CROCC: variants seen among roughly 807,000 people sequenced by gnomAD.
The protein encoded by CROCC is ciliary rootlet coiled-coil, rootletin.
In CROCC, 180 loss-of-function variants were observed where a neutral mutation model predicts 245.2. The observed-to-expected ratio is 0.73, with a 90% CI of 0.65 to 0.83. CROCC has a LOEUF of 0.83. CROCC is among the 40% of genes least tolerant of loss of function. The pLI is 0.00. For missense variants in CROCC, 2,688 were observed against 2,779.4 expected (o/e 0.97, Z 0.74); for synonymous variants, 1,205 against 1,241.6 (o/e 0.97, Z 0.62).
At chr1:16,915,289 T>A (rs1221901462) in intron 1 of CROCC, among the ~76,000 whole-genome samples, 6 of 152,286 alleles carry the variant, frequency 3.9e-5, no homozygotes, top group African/African-American at 1.4e-4. Context: ...CCATTTAACA[T>A]CCTATGTTAT....
intron 27 of CROCC, among the ~76,000 whole-genome samples, chr1:16,962,907 CACGTTGG>C (rs2076357108): frequency 6.6e-6 from 1 of 151,654 alleles, no homozygotes; most frequent in Non-Finnish European, 1.5e-5. Flanking sequence ...AATGGCCAGA[CACGTTGG>C]CTCATGTTTG....
At chr1:16,953,012 G>T (rs1361330139) in intron 20 of CROCC, 4 of 385,720 alleles carry the variant, frequency 1.0e-5, no homozygotes, top group Non-Finnish European at 1.9e-5. Flanking sequence ...CTTTCCAGGG[G>T]CTGTGTTCTT....
At chr1:16,919,012 G>C (rs1276653508), upstream of CROCC, among the ~76,000 whole-genome samples, 1 of 152,296 alleles carries the variant, frequency 6.6e-6, no homozygotes, top group Non-Finnish European at 1.5e-5. Flanking sequence ...TGGGATTACA[G>C]GCATGAGCCA....
Position 16,939,139 on chromosome 1 carries a change from C to A in CROCC, c.1605C>A (p.Val535=). The A allele has an allele frequency of 6.6e-7, 1 of 1,504,198 alleles. No homozygotes were observed. Among genetic ancestry groups the A allele is most frequent in the East Asian group, 2.5e-5 (1 of 40,550 alleles). 93.2% of individuals were successfully genotyped at this position (1,504,198 alleles called of 1,614,324 possible). ...HSALHKRQLQ[V]QDMRGRYEAS... ...CCCTGCACAAGCGCCAGCTGCAGGT[C>A]CAGGTAGGAAGGGGCTTGAGCGTTC... The change falls in exon 12 of 37, where the codon GTC becomes GTA. Residue 535 remains valine, a synonymous_variant. Coordinates refer to ENST00000375541, the MANE Select transcript of CROCC (RefSeq NM_014675.5).
chr1:16,970,037 G>C, intron 33 of CROCC, 103 bp downstream of exon 33: 6 of 1,404,130 alleles, frequency 4.3e-6, no homozygotes, highest in Non-Finnish European at 5.7e-6. Flanking sequence ...CCCTGGTGCA[G>C]CCTCCAGTAA....
chr1:16,966,097 G>A lies in CROCC; in HGVS notation c.4674G>A (p.Lys1558=). 6.2e-7 allele frequency: 1 copy of A among 1,613,080 alleles called. No individual in the cohort carries two copies. Among genetic ancestry groups the A allele is most frequent in the Non-Finnish European group, 8.5e-7 (1 of 1,179,198 alleles). Residue 1558 remains lysine (K), a synonymous_variant, in exon 29 of 37, where the codon AAG becomes AAA. Coordinates refer to ENST00000375541, the MANE Select transcript of CROCC (RefSeq NM_014675.5). This position sits in a 1 kb window ranked among gnomAD's most constrained non-coding sequence, Gnocchi z 4.8. ...SATSRARQLQ[K]AVAESEEARR... ...CCTCGAGGGCCAGGCAGCTGCAGAA[G>A]GCGGTGGCTGAGAGTGAGGAAGGTG...
intron 8 of CROCC, among the ~76,000 whole-genome samples, chr1:16,936,102 A>G (rs1185755815): frequency 6.6e-6 from 1 of 151,174 alleles, no homozygotes; most frequent in African/African-American, 2.4e-5. Flanking sequence ...ATGGCATCCC[A>G]GTGTAGGGTT....
chr1:16,943,395 G>A (rs1487393216), intron 13 of CROCC, among the ~76,000 whole-genome samples: 7 of 151,948 alleles, frequency 4.6e-5, no homozygotes, highest in African/African-American at 1.2e-4. Flanking sequence ...CAAATTACCC[G>A]GACATGGTGG....
chr1:16,943,372 A>C (rs1264749683), intron 13 of CROCC, among the ~76,000 whole-genome samples: 4 of 152,028 alleles, frequency 2.6e-5, no homozygotes, highest in Non-Finnish European at 5.9e-5. Context: ...CCCCATCTCT[A>C]CTAAAAATAC....
chr1:16,955,105 G>GC, intron 23 of CROCC, among the ~76,000 whole-genome samples: 1 of 152,162 alleles, frequency 6.6e-6, no homozygotes, highest in Non-Finnish European at 1.5e-5. Context: ...TTGGTGTTGT[G>GC]CTCAGGACAG....
intron 32 of CROCC, 52 bp from the exon 33 acceptor site, chr1:16,969,733 G>A: frequency 6.4e-7 from 1 of 1,573,876 alleles, no homozygotes; most frequent in Non-Finnish European, 8.6e-7. Context: ...GAATAGAGAG[G>A]ACTCCTTAGG....
At chr1:16,931,236 G>A (rs1570605966) in intron 7 of CROCC, 55 bp from the exon 8 acceptor site, 3 of 1,473,058 alleles carry the variant, frequency 2.0e-6, no homozygotes, top group East Asian at 4.6e-5. Context: ...GAAGCAGTGG[G>A]AGGGAGTAAA....
rs753373977 is a variant in CROCC, at chr1:16,948,434, C to CGCT, written c.2619_2621dup (p.Leu874dup). Reference sequence around the variant, plus strand: ...GAGCGAGCGGCCCGTGAGAAGGAGGCGCTAGCCAAGGAGCACGCTGGCCTG... The same window carrying CGCT: ...GAGCGAGCGGCCCGTGAGAAGGAGGCGCTGCTAGCCAAGGAGCACGCTGGCCTG... On this transcript the variant is annotated inframe_insertion, in exon 18 of 37. Coordinates refer to ENST00000375541, the MANE Select transcript of CROCC (RefSeq NM_014675.5). 57 of 1,568,558 alleles carry CGCT rather than the reference C, an allele frequency of 3.6e-5. No individual in the cohort carries two copies. In the Middle Eastern group the frequency reaches 1.9e-3, roughly 53 times the overall value.
Position 16,961,103 on chromosome 1 carries a change from TC to T in CROCC, c.4382del (p.Pro1461LeufsTer20). On this transcript the variant is annotated frameshift_variant, in exon 27 of 37. Transcript: ENST00000375541. LOFTEE classifies it high-confidence loss of function. ...PSPAPRPVPGSPARDAPAEGS... is the reference protein window; with the variant it reads ...PSPAPRPVPGXPARDAPAEGS... Reference sequence around the variant, plus strand: ...CCCAGCCCCGCGGCCAGTGCCCGGTTCCCCTGCCCGGGACGCACCCGCAGAA... The same window carrying T: ...CCCAGCCCCGCGGCCAGTGCCCGGTTCCCTGCCCGGGACGCACCCGCAGAA... 7.4e-7 allele frequency: 1 copy of T among 1,360,252 alleles called. No individual in the cohort carries two copies. The highest frequency in any genetic ancestry group is 9.4e-7 in the Non-Finnish European group (1 of 1,061,006). The allele number at this position is 1,360,252 out of a possible 1,614,324, so 84.3% of individuals were successfully genotyped here.
At chr1:16,915,719 G>T (rs1222298935) in intron 1 of CROCC, among the ~76,000 whole-genome samples, 2 of 152,244 alleles carry the variant, frequency 1.3e-5, no homozygotes, top group Non-Finnish European at 2.9e-5. Context: ...GACCTCTTTA[G>T]CTGAGAGTCG....
In CROCC at chr1:16,961,135, G is replaced by T. The variant is rs1357283265; in HGVS notation, c.4405+5G>T. Reference sequence around the variant, plus strand: ...CCCGGGACGCACCCGCAGAAGGTAAGGGCAGTGCCGCGCGCAGGGAAGGGG... The same window carrying T: ...CCCGGGACGCACCCGCAGAAGGTAATGGCAGTGCCGCGCGCAGGGAAGGGG... On this transcript the variant is annotated splice_donor_5th_base_variant and intron_variant, in intron 27 of 36. Transcript: ENST00000375541. 1 of 1,319,474 alleles carries T rather than the reference G, an allele frequency of 7.6e-7. No homozygotes were observed. Among genetic ancestry groups the T allele is most frequent in the South Asian group, 1.9e-5 (1 of 51,624 alleles). 81.7% of individuals were successfully genotyped at this position (1,319,474 alleles called of 1,614,324 possible).
chr1:16,951,273 G>A, intron 20 of CROCC, 151 bp downstream of exon 20: 1 of 659,888 alleles, frequency 1.5e-6, no homozygotes, highest in Non-Finnish European at 2.3e-6. Context: ...GGATGGGGAG[G>A]TTGTGGTTCT....
chr1:16,969,799 C>T lies in CROCC; in HGVS notation c.5316C>T (p.Ala1772=), dbSNP rs778875409. Residue 1772 remains alanine, a synonymous_variant, in exon 33 of 37, where the codon GCC becomes GCT. Transcript: ENST00000375541. The part of the protein sequence containing the change: ...DRQVLQERLD[A]ARQALSEARK... ...CTGTCCCCCAGGAACGGCTGGATGC[C>T]GCCCGGCAGGCATTATCTGAGGCAC... 25 of 1,612,694 alleles carry T rather than the reference C, an allele frequency of 1.6e-5. No homozygotes were observed. The highest frequency in any genetic ancestry group is 1.5e-4 in the African/African-American group (11 of 74,908).
chr1:16,916,747 A>G (rs2075309458), intron 1 of CROCC, among the ~76,000 whole-genome samples: 1 of 152,298 alleles, frequency 6.6e-6, no homozygotes, highest in Non-Finnish European at 1.5e-5. Context: ...GCCTGGGCTC[A>G]GGCAGTCCTC....
Sources: gnomAD v4.1 joint callset for allele counts (sites outside exome capture counted in the v4.1 genomes callset) on GRCh38, gnomAD v4.1.1 for gene constraint, Gnocchi (gnomAD v3.1) non-coding constraint, MANE v1.5 for transcripts, NCBI Gene and HGNC (gene_info 2026-07-23, HGNC 2026-07-21) for gene names.